PTPRC: variants seen among roughly 807,000 people sequenced by gnomAD.
PTPRC encodes the protein protein tyrosine phosphatase receptor type C.
Under a neutral mutation model 155.9 loss-of-function variants are expected in PTPRC, and 44 were observed. The ratio of observed to expected loss-of-function variants is 0.28; its 90% CI spans 0.22 to 0.36. The LOEUF is 0.36. Ranked by LOEUF, PTPRC falls within the 10% of genes least tolerant of loss-of-function variation. The pLI, the probability that PTPRC is intolerant of heterozygous loss-of-function variation, is 1.00. For synonymous variants in PTPRC, 525 were observed against 533.1 expected (o/e 0.98, Z 0.21); for missense variants, 1,401 against 1,564.6 (o/e 0.90, Z 1.76).
chr1:198,725,418 G>T (rs1210033653), intron 15 of PTPRC, among the ~76,000 whole-genome samples: 1 of 151,988 alleles, frequency 6.6e-6, no homozygotes, highest in Non-Finnish European at 1.5e-5. Flanking sequence ...ATTTTTTTCT[G>T]ATATCATTCA....
intron 2 of PTPRC, among the ~76,000 whole-genome samples, chr1:198,641,355 C>T (rs1424532572): frequency 1.3e-5 from 2 of 151,692 alleles, no homozygotes; most frequent in Non-Finnish European, 2.9e-5. Flanking sequence ...TTCATTTTAA[C>T]GTGTTAAAAT....
Position 198,663,886 on chromosome 1 carries a change from T to C in PTPRC, c.73+24545T>C, listed in dbSNP as rs544285458. 3.3e-5 allele frequency among the ~76,000 whole-genome samples: 5 copies of C among 152,268 alleles called. No homozygotes were observed. In the South Asian group the frequency reaches 1.0e-3, roughly 32 times the overall value. On this transcript the variant is annotated intron_variant, in intron 2 of 32. Transcript: ENST00000442510. Reference sequence around the variant, plus strand: ...ATGCTATTATTATTTTTATTATTAATGTATGACATCATGTTACCTGCCTAA... The same window carrying C: ...ATGCTATTATTATTTTTATTATTAACGTATGACATCATGTTACCTGCCTAA...
At chr1:198,682,659 G>T (rs2102336240) in intron 2 of PTPRC, among the ~76,000 whole-genome samples, 1 of 152,122 alleles carries the variant, frequency 6.6e-6, no homozygotes, top group Admixed American at 6.5e-5. Context: ...GCTTTTGTAT[G>T]TTTTCCTTTG....
chr1:198,690,368 G>T (rs1326853018), intron 2 of PTPRC, among the ~76,000 whole-genome samples: 1 of 151,754 alleles, frequency 6.6e-6, no homozygotes, highest in Non-Finnish European at 1.5e-5. Context: ...TGCTGTTAAT[G>T]GGAACATAAA....
intron 22 of PTPRC, 49 bp from the exon 23 acceptor site, chr1:198,735,078 A>G: frequency 6.8e-7 from 1 of 1,465,246 alleles, no homozygotes; most frequent in Non-Finnish European, 9.2e-7. Flanking sequence ...TTGATAAAAA[A>G]TTGGCTTAAA....
rs963064573 is a variant in PTPRC, at chr1:198,730,060, T to C, written c.1864+889T>C. On this transcript the variant is annotated intron_variant, in intron 17 of 32. Transcript: ENST00000442510. The stretch of plus-strand genomic sequence containing the variant: ...GAAGAAAACACATTTGTTTATCTTT[T>C]TTTTCAACATTTATATTCTTTAATT... 4.9e-4 allele frequency among the ~76,000 whole-genome samples: 74 copies of C among 152,170 alleles called. 1 individual carries two copies. Among genetic ancestry groups the C allele is most frequent in the Non-Finnish European group, 7.3e-5 (5 of 68,038 alleles).
chr1:198,745,573 A>T (rs1260243867), intron 26 of PTPRC, among the ~76,000 whole-genome samples: 7 of 151,840 alleles, frequency 4.6e-5, no homozygotes, highest in Non-Finnish European at 1.0e-4. Flanking sequence ...AGGCAGAGGC[A>T]GTAAGATTGC....
chr1:198,685,324 T>TA (rs1037715736), intron 2 of PTPRC, among the ~76,000 whole-genome samples: 15 of 151,930 alleles, frequency 9.9e-5, no homozygotes, highest in Non-Finnish European at 2.2e-4. Context: ...TCATTCCCTA[T>TA]AAAAAAGGAT....
At chr1:198,643,986 G>A (rs1662791710) in intron 2 of PTPRC, among the ~76,000 whole-genome samples, 1 of 151,926 alleles carries the variant, frequency 6.6e-6, no homozygotes, top group East Asian at 1.9e-4. Context: ...GTAGGTAAGG[G>A]GCAGAGATTT....
Position 198,639,292 on chromosome 1 carries a change from A to G in PTPRC, c.24A>G (p.Lys8=), listed in dbSNP as rs766720230. 8 of 1,613,210 alleles carry G rather than the reference A, an allele frequency of 5.0e-6. No individual in the cohort carries two copies. In the African/African-American group the frequency reaches 1.1e-4, roughly 22 times the overall value. The part of the protein sequence containing the change: MTMYLWL[K]LLAFGFAFLD... ...ATATGACCATGTATTTGTGGCTTAAACTCTTGGCATTTGGCTTTGCCTTTC... is the reference window on the plus strand; with the variant it reads ...ATATGACCATGTATTTGTGGCTTAAGCTCTTGGCATTTGGCTTTGCCTTTC... Residue 8 remains lysine, a synonymous_variant, in exon 2 of 33, where the codon AAA becomes AAG. Coordinates refer to ENST00000442510, the MANE Select transcript of PTPRC (RefSeq NM_002838.5).
At chr1:198,708,964 G>A (rs1653143257) in intron 10 of PTPRC, among the ~76,000 whole-genome samples, 1 of 152,174 alleles carries the variant, frequency 6.6e-6, no homozygotes, top group Non-Finnish European at 1.5e-5. Flanking sequence ...ATGGAGCATT[G>A]CGCTGGGTGT....
chr1:198,697,026 T>C (rs1057257272), intron 4 of PTPRC, 117 bp downstream of exon 4: 4 of 996,482 alleles, frequency 4.0e-6, no homozygotes, highest in Admixed American at 3.5e-5. Context: ...TGTGATTTTA[T>C]TCAAGTGCAG....
intron 2 of PTPRC, among the ~76,000 whole-genome samples, chr1:198,650,452 C>T (rs538113475): frequency 5.3e-5 from 8 of 151,862 alleles, no homozygotes; most frequent in South Asian, 4.2e-4. Context: ...GAAAGACTGA[C>T]ATAGAATTAA....
chr1:198,709,744 A>T lies in PTPRC; in HGVS notation c.1091A>T (p.Glu364Val). Reference sequence around the variant, plus strand: ...TTAGAAAACCTTGAACCCGAACATGAGTATAAGTGTGACTCAGAAATACTC... The same window carrying T: ...TTAGAAAACCTTGAACCCGAACATGTGTATAAGTGTGACTCAGAAATACTC... ...IKLENLEPEH[E>V]YKCDSEILYN... Residue 364 changes from glutamate (E) to valine (V), a missense_variant, in exon 11 of 33, where the codon GAG becomes GTG. Physicochemically the swap from Glu to Val is moderately radical, Grantham distance 121. Coordinates refer to ENST00000442510, the MANE Select transcript of PTPRC (RefSeq NM_002838.5). 1.2e-6 allele frequency: 2 copies of T among 1,608,280 alleles called. No individual in the cohort carries two copies. Among genetic ancestry groups the T allele is most frequent in the Non-Finnish European group, 1.7e-6 (2 of 1,177,516 alleles).
At position 198,726,149 on chromosome 1, in the gene PTPRC, T is replaced by C. The variant is rs75072360; in HGVS notation, c.1721-2191T>C. ...GGATTGGAATGCTAACTTACAGTCA[T>C]TTGCAGTTTCTTGCAAAATCTTACT... is the stretch of plus-strand genomic sequence containing the variant. On this transcript the variant is annotated intron_variant, in intron 15 of 32. Transcript: ENST00000442510. Among the ~76,000 whole-genome samples the C allele has an allele frequency of 1.9e-3, 296 of 152,314 alleles. 1 individual carries two copies. Among genetic ancestry groups the C allele is most frequent in the African/African-American group, 6.9e-3 (288 of 41,558 alleles).
At position 198,702,439 on chromosome 1, in the gene PTPRC, C is replaced by T. The variant is rs1053467525; in HGVS notation, c.492C>T (p.Ser164=). 15 of 1,614,054 alleles carry T rather than the reference C, an allele frequency of 9.3e-6. No individual in the cohort carries two copies. Among genetic ancestry groups the T allele is most frequent in the African/African-American group, 1.3e-5 (1 of 74,914 alleles). ...GCACCTTTCCTACAGACCCAGTTTCCCCATTGACAACCACCCTCAGCCTTG... is the reference window on the plus strand; with the variant it reads ...GCACCTTTCCTACAGACCCAGTTTCTCCATTGACAACCACCCTCAGCCTTG... ...TASTFPTDPV[S]PLTTTLSLAH... The change falls in exon 6 of 33, where the codon TCC becomes TCT. Residue 164 remains serine, a synonymous_variant. Coordinates refer to ENST00000442510, the MANE Select transcript of PTPRC (RefSeq NM_002838.5).
chr1:198,710,489 A>C (rs1309815562), intron 11 of PTPRC, among the ~76,000 whole-genome samples: 1 of 152,202 alleles, frequency 6.6e-6, no homozygotes, highest in Non-Finnish European at 1.5e-5. Flanking sequence ...GGATTCTTTC[A>C]GGGATTGCAT....
At chr1:198,709,557 T>G in intron 10 of PTPRC, 130 bp from the exon 11 acceptor site, 1 of 804,596 alleles carries the variant, frequency 1.2e-6, no homozygotes, top group Non-Finnish European at 1.7e-6. Flanking sequence ...TTTTTATTAT[T>G]TTGGTAATTT....
intron 2 of PTPRC, among the ~76,000 whole-genome samples, chr1:198,682,659 G>GT (rs1665403769): frequency 6.6e-6 from 1 of 152,004 alleles, no homozygotes; most frequent in Non-Finnish European, 1.5e-5. Context: ...GCTTTTGTAT[G>GT]TTTTCCTTTG....
Sources: gnomAD v4.1 joint callset for allele counts (sites outside exome capture counted in the v4.1 genomes callset) on GRCh38, gnomAD v4.1.1 for gene constraint, MANE v1.5 for transcripts, NCBI Gene and HGNC (gene_info 2026-07-23, HGNC 2026-07-21) for gene names.